The following SUPT3H variants were observed in gnomAD, a reference collection of about 807,000 sequenced individuals.
SUPT3H encodes the protein transcription initiation protein SPT3 homolog.
In SUPT3H, 44 loss-of-function variants were observed where a neutral mutation model predicts 44.3. The observed-to-expected ratio is 0.99, with a 90% CI of 0.78 to 1.28. The LOEUF is 1.28. Among genes scored for constraint, SUPT3H ranks in the 50% most tolerant of loss-of-function variants. The pLI, the probability that SUPT3H is intolerant of heterozygous loss-of-function variation, is 0.00. For synonymous variants in SUPT3H, 124 were observed against 125.6 expected (o/e 0.99, Z 0.09); for missense variants, 380 against 387.1 (o/e 0.98, Z 0.15).
chr6:45,325,617 A>G (rs1786221331), intron 2 of SUPT3H, among the ~76,000 whole-genome samples: 1 of 151,464 alleles, frequency 6.6e-6, no homozygotes, highest in South Asian at 2.1e-4. Context: ...CCCAGAGAGG[A>G]TAAAATTTTA....
intron 7 of SUPT3H, among the ~76,000 whole-genome samples, chr6:44,960,990 G>T (rs189476402): frequency 6.6e-6 from 1 of 152,166 alleles, no homozygotes; most frequent in East Asian, 1.9e-4. Context: ...AGACACCATT[G>T]TTTCTATAAT....
intron 6 of SUPT3H, among the ~76,000 whole-genome samples, chr6:44,980,144 C>G (rs1778891012): frequency 6.6e-6 from 1 of 151,866 alleles, no homozygotes; most frequent in South Asian, 2.1e-4. Context: ...AGTATCTGCT[C>G]TGACATTTTG....
chr6:45,009,316 G>A (rs1351463013), intron 5 of SUPT3H, among the ~76,000 whole-genome samples: 1 of 152,046 alleles, frequency 6.6e-6, no homozygotes, highest in East Asian at 1.9e-4. Flanking sequence ...TGAAATAATT[G>A]ATCAAGTCCA....
intron 2 of SUPT3H, among the ~76,000 whole-genome samples, chr6:45,187,143 AGTGGCTCATGCCT>A (rs1007276024): frequency 1.4e-5 from 2 of 142,400 alleles, no homozygotes; most frequent in African/African-American, 5.1e-5. Flanking sequence ...GGCCAGATGC[AGTGGCTCATGCCT>A]GTAATCCCAA....
chr6:45,118,531 G>A (rs1203310114), intron 2 of SUPT3H, among the ~76,000 whole-genome samples: 1 of 152,078 alleles, frequency 6.6e-6, no homozygotes, highest in African/African-American at 2.4e-5. Context: ...TTCTAGCCAT[G>A]CACCATTTGT....
rs1298791359 is a variant in SUPT3H, at chr6:44,828,941, G to GAAAGT, written c.*870_*874dup. On this transcript the variant is annotated 3_prime_UTR_variant, in exon 11 of 11. Transcript: ENST00000371459. ...GAGTTACGGTTCCTCATTTACTGGA[G>GAAAGT]AAAGTATAGATGCCAGAAGGGTAGC... 1 of 152,550 alleles carries GAAAGT rather than the reference G, an allele frequency of 6.6e-6. No homozygotes were observed. The highest frequency in any genetic ancestry group is 2.4e-5 in the African/African-American group (1 of 41,416). The allele number at this position is 152,550 out of a possible 1,614,324, so 9.4% of individuals were successfully genotyped here. A position where few individuals can be genotyped will look rare whatever the true frequency, so the allele number is the denominator to read the frequency against.
intron 10 of SUPT3H, among the ~76,000 whole-genome samples, chr6:44,865,859 A>G (rs1223436620): frequency 6.6e-6 from 1 of 152,178 alleles, no homozygotes; most frequent in Non-Finnish European, 1.5e-5. Flanking sequence ...AAAGGGCAGT[A>G]ACAATAATAG....
intron 2 of SUPT3H, among the ~76,000 whole-genome samples, chr6:45,351,303 C>T (rs1184415427): frequency 6.6e-6 from 1 of 152,100 alleles, no homozygotes; most frequent in Non-Finnish European, 1.5e-5. Flanking sequence ...ACTAACCCAT[C>T]AAGATCACAA....
intron 10 of SUPT3H, among the ~76,000 whole-genome samples, chr6:44,911,152 A>G (rs948245081): frequency 2.0e-5 from 3 of 152,156 alleles, no homozygotes; most frequent in Non-Finnish European, 4.4e-5. Flanking sequence ...AACTATTGAT[A>G]GCACAATTCA....
At chr6:45,176,306 G>C (rs1004134950) in intron 2 of SUPT3H, among the ~76,000 whole-genome samples, 1 of 151,782 alleles carries the variant, frequency 6.6e-6, no homozygotes, top group Non-Finnish European at 1.5e-5. Flanking sequence ...GTCAAAGAAA[G>C]GGGTGACGGA....
chr6:45,196,066 C>T (rs1815963199), intron 2 of SUPT3H, among the ~76,000 whole-genome samples: 1 of 152,066 alleles, frequency 6.6e-6, no homozygotes, highest in African/African-American at 2.4e-5. Flanking sequence ...ATATATTTCA[C>T]ATCTATCAAA....
rs112691291 is a variant in SUPT3H, at chr6:44,970,808, C to T, written c.505-8980G>A. 9.0e-3 allele frequency among the ~76,000 whole-genome samples: 1,369 copies of T among 152,180 alleles called. 14 individuals carry two copies. Among genetic ancestry groups the T allele is most frequent in the South Asian group, 0.028 (136 of 4,806 alleles). Reference sequence around the variant, plus strand: ...AATACTGCCTGAAAAATATATAAAGCCATTAATTCATAAAATTTAGTTCAT... The same window carrying T: ...AATACTGCCTGAAAAATATATAAAGTCATTAATTCATAAAATTTAGTTCAT... On this transcript the variant is annotated intron_variant, in intron 6 of 10. Coordinates refer to ENST00000371459, the MANE Select transcript of SUPT3H (RefSeq NM_003599.4).
chr6:45,251,577 T>C (rs1462011048), intron 2 of SUPT3H, among the ~76,000 whole-genome samples: 1 of 151,474 alleles, frequency 6.6e-6, no homozygotes, highest in Non-Finnish European at 1.5e-5. Flanking sequence ...TAATAAAGAG[T>C]AAAGTAAAAA....
chr6:44,866,117 T>G (rs1033998847), intron 10 of SUPT3H, among the ~76,000 whole-genome samples: 13 of 147,112 alleles, frequency 8.8e-5, no homozygotes, highest in African/African-American at 3.2e-4. Context: ...TTTTTTTTTT[T>G]TTTTTTTTTT....
intron 2 of SUPT3H, among the ~76,000 whole-genome samples, chr6:45,266,452 A>G (rs1189094804): frequency 6.6e-6 from 1 of 151,992 alleles, no homozygotes; most frequent in East Asian, 1.9e-4. Flanking sequence ...GATATCTTAA[A>G]AAATATTTCT....
chr6:44,814,488 A>C lies in SUPT3H; in HGVS notation c.*53-4987T>G, dbSNP rs141935929. Reference sequence around the variant, plus strand: ...CAAAGAGCCAGAAAATTAGCTTAAAAGCAGCCTTCGAGATGGGAGGCAGCG... The same window carrying C: ...CAAAGAGCCAGAAAATTAGCTTAAACGCAGCCTTCGAGATGGGAGGCAGCG... On this transcript the variant is annotated intron_variant and NMD_transcript_variant, in intron 11 of 11. Transcript: ENST00000475057. Among the ~76,000 whole-genome samples, 375 of 152,230 alleles carry C rather than the reference A, an allele frequency of 2.5e-3. 2 individuals carry two copies. Among genetic ancestry groups the C allele is most frequent in the African/African-American group, 8.3e-3 (343 of 41,536 alleles).
At position 44,885,278 on chromosome 6, in the gene SUPT3H, T is replaced by C. The variant is rs75131094; in HGVS notation, c.912+47375A>G. Among the ~76,000 whole-genome samples, 125 of 152,270 alleles carry C rather than the reference T, an allele frequency of 8.2e-4. 1 individual carries two copies. The highest frequency in any genetic ancestry group is 2.2e-3 in the African/African-American group (91 of 41,560). The stretch of plus-strand genomic sequence containing the variant: ...GAAGAGAGCAGTGGTTCTCCCAGCA[T>C]GCAGCTGGAGATCTGAGAACGGGCA... On this transcript the variant is annotated intron_variant, in intron 10 of 10. Coordinates refer to ENST00000371459, the MANE Select transcript of SUPT3H (RefSeq NM_003599.4).
rs1162738855 is a variant in SUPT3H, at chr6:45,141,338, C to CAAAAAAA, written c.102-35339_102-35333dup. Reference sequence around the variant, plus strand: ...TGGGAGACAGAGCAAGACTCCATCTCAAAAAAAAAAAAAAAAAAAAAAAAA... The same window carrying CAAAAAAA: ...TGGGAGACAGAGCAAGACTCCATCTCAAAAAAAAAAAAAAAAAAAAAAAAAAAAAAAA... On this transcript the variant is annotated intron_variant, in intron 2 of 10. Transcript: ENST00000371459. 6.9e-3 allele frequency among the ~76,000 whole-genome samples: 312 copies of CAAAAAAA among 45,120 alleles called. 2 individuals carry two copies. Among genetic ancestry groups the CAAAAAAA allele is most frequent in the African/African-American group, 0.013 (118 of 9,344 alleles). The allele number at this position is 45,120 out of a possible 152,430, so 29.6% of individuals were successfully genotyped here.
intron 2 of SUPT3H, among the ~76,000 whole-genome samples, chr6:45,351,743 G>A (rs1041357291): frequency 2.0e-5 from 3 of 151,924 alleles, no homozygotes; most frequent in African/African-American, 7.3e-5. Context: ...TTAGTGATCA[G>A]AACCTCCAAC....
Sources: allele counts gnomAD v4.1 joint callset (sites outside exome capture counted in the v4.1 genomes callset), GRCh38; gene constraint gnomAD v4.1.1; transcripts MANE v1.5; gene names NCBI Gene and HGNC (gene_info 2026-07-23, HGNC 2026-07-21).